The following SLC24A3 variants were observed in gnomAD, a reference collection of about 807,000 sequenced individuals.
The protein encoded by SLC24A3 is sodium/potassium/calcium exchanger 3.
A neutral mutation model predicts 75.8 loss-of-function variants in SLC24A3; 28 were observed. The observed-to-expected ratio is 0.37, with a 90% CI of 0.27 to 0.51. The LOEUF (loss-of-function observed/expected upper bound fraction) is 0.51. SLC24A3 is among the 20% of genes least tolerant of loss of function. SLC24A3 has a pLI of 0.94. For synonymous variants in SLC24A3, 372 were observed against 334.1 expected, an observed-to-expected ratio of 1.11 and a Z score of -1.24; for missense variants, 663 against 847.8, an observed-to-expected ratio of 0.78 and a Z score of 2.71.
chr20:19,464,981 C>G (rs1443903306), intron 2 of SLC24A3, among the ~76,000 whole-genome samples: 1 of 152,228 alleles, frequency 6.6e-6, no homozygotes, highest in East Asian at 1.9e-4. Flanking sequence ...CCTGTACCAT[C>G]CAGTATGATA....
At chr20:19,226,291 C>T (rs1981867873) in intron 1 of SLC24A3, among the ~76,000 whole-genome samples, 1 of 152,108 alleles carries the variant, frequency 6.6e-6, no homozygotes, top group African/African-American at 2.4e-5. Context: ...GTGTGTTTTT[C>T]ATTTTGTATT....
intron 1 of SLC24A3, among the ~76,000 whole-genome samples, chr20:19,261,153 A>G (rs59731114): frequency 0.028 from 4,246 of 152,174 alleles, 230 homozygotes; most frequent in African/African-American, 0.097. Context: ...CCTTGGAAAG[A>G]TGGGAATTTA....
At chr20:19,321,924 G>A (rs1428690664) in intron 2 of SLC24A3, among the ~76,000 whole-genome samples, 1 of 152,070 alleles carries the variant, frequency 6.6e-6, no homozygotes, top group African/African-American at 2.4e-5. Flanking sequence ...CTGACATTTG[G>A]ATGCATCCAG....
chr20:19,685,319 G>A lies in SLC24A3; in HGVS notation c.1282G>A (p.Glu428Lys), dbSNP rs2032663673. 13 of 1,614,100 alleles carry A rather than the reference G, an allele frequency of 8.1e-6. No individual in the cohort carries two copies. The highest frequency in any genetic ancestry group is 6.6e-5 in the South Asian group (6 of 91,086). The change falls in exon 12 of 17, where the codon GAG becomes AAG. Residue 428 changes from glutamate (E) to lysine (K), a missense_variant. By Grantham distance (56) the Glu-to-Lys change is moderately conservative. This residue lies in a region of SLC24A3 where 510 missense variants were observed against 703.6 expected (regional missense o/e 0.72). Transcript: ENST00000328041. ...GAATGATGAGGAGGAAGAGGAGGAC[G>A]AGGATGATGATGAAGGACCGTACAC... The part of the protein sequence containing the change: ...NENDEEEEED[E>K]DDDEGPYTPF...
At chr20:19,516,704 A>G (rs1034441233) in intron 3 of SLC24A3, among the ~76,000 whole-genome samples, 2 of 152,224 alleles carry the variant, frequency 1.3e-5, no homozygotes, top group Admixed American at 6.5e-5. Flanking sequence ...TCAGACTTCC[A>G]CGTGGCAGCC....
intron 3 of SLC24A3, among the ~76,000 whole-genome samples, chr20:19,558,756 A>G (rs528287375): frequency 6.6e-6 from 1 of 152,304 alleles, no homozygotes; most frequent in East Asian, 1.9e-4. Context: ...TTACTGATAT[A>G]TAATGCTTTT....
intron 3 of SLC24A3, among the ~76,000 whole-genome samples, chr20:19,568,673 G>T (rs2031000757): frequency 6.6e-6 from 1 of 152,202 alleles, no homozygotes. Flanking sequence ...AAGCTCTGAA[G>T]ATGGATGGCG....
At chr20:19,251,842 C>T (rs1187867335) in intron 1 of SLC24A3, among the ~76,000 whole-genome samples, 1 of 152,158 alleles carries the variant, frequency 6.6e-6, no homozygotes, top group African/African-American at 2.4e-5. Flanking sequence ...CAGCCGGGGT[C>T]CCCAAGGGGG....
At chr20:19,543,341 A>G (rs1385767164) in intron 3 of SLC24A3, among the ~76,000 whole-genome samples, 3 of 152,174 alleles carry the variant, frequency 2.0e-5, no homozygotes, top group African/African-American at 7.2e-5. Flanking sequence ...TTTTGCAGAG[A>G]AAGTGAGCTT....
At chr20:19,667,391 G>A (rs890313896) in intron 8 of SLC24A3, among the ~76,000 whole-genome samples, 1 of 152,170 alleles carries the variant, frequency 6.6e-6, no homozygotes, top group African/African-American at 2.4e-5. Context: ...CAAATGGAGT[G>A]AGGGGCATTT....
intron 3 of SLC24A3, among the ~76,000 whole-genome samples, chr20:19,562,861 C>T (rs1488895143): frequency 2.0e-5 from 3 of 152,132 alleles, no homozygotes; most frequent in Non-Finnish European, 4.4e-5. Context: ...ACTCCAGGAA[C>T]ACATCCTATG....
At chr20:19,473,684 C>T (rs1987912615) in intron 2 of SLC24A3, among the ~76,000 whole-genome samples, 1 of 152,250 alleles carries the variant, frequency 6.6e-6, no homozygotes, top group South Asian at 2.1e-4. Flanking sequence ...CTTGTGTGGT[C>T]TGTGTAGTTC....
chr20:19,232,060 T>C (rs1349416622), intron 1 of SLC24A3, among the ~76,000 whole-genome samples: 2 of 152,222 alleles, frequency 1.3e-5, no homozygotes, highest in Non-Finnish European at 2.9e-5. Context: ...GGTGACATTG[T>C]ACCAACTAAA....
intron 2 of SLC24A3, among the ~76,000 whole-genome samples, chr20:19,313,913 A>T (rs944494763): frequency 2.6e-5 from 4 of 152,226 alleles, no homozygotes; most frequent in African/African-American, 9.6e-5. Context: ...TGAGGAGATG[A>T]TACATCTTAA....
intron 2 of SLC24A3, among the ~76,000 whole-genome samples, chr20:19,352,379 G>A (rs1985589416): frequency 1.3e-5 from 2 of 152,054 alleles, no homozygotes; most frequent in African/African-American, 4.8e-5. Context: ...GAGAGACCTG[G>A]GCCAGCACCA....
Position 19,619,139 on chromosome 20 carries a change from G to A in SLC24A3, c.612+33595G>A, listed in dbSNP as rs62200289. On this transcript the variant is annotated intron_variant, in intron 6 of 16. Coordinates refer to ENST00000328041, the MANE Select transcript of SLC24A3 (RefSeq NM_020689.4). ...ATCTAATTACCCTTCTCTTGATAAG[G>A]AGCCAGCTCAGCAATTCCCTTACAG... Among the ~76,000 whole-genome samples, 343 of 152,268 alleles carry A rather than the reference G, an allele frequency of 2.3e-3. 1 individual carries two copies. The highest frequency in any genetic ancestry group is 2.6e-3 in the Admixed American group (40 of 15,292).
At chr20:19,235,669 A>G (rs947517550) in intron 1 of SLC24A3, among the ~76,000 whole-genome samples, 10 of 152,148 alleles carry the variant, frequency 6.6e-5, no homozygotes. Flanking sequence ...CTGGCCCTCT[A>G]GACCCCAACC....
At chr20:19,424,032 C>T (rs1423751266) in intron 2 of SLC24A3, among the ~76,000 whole-genome samples, 1 of 152,064 alleles carries the variant, frequency 6.6e-6, no homozygotes, top group East Asian at 1.9e-4. Flanking sequence ...GTGGGAGGAA[C>T]CACATGAGCC....
At chr20:19,370,197 C>A (rs147010768) in intron 2 of SLC24A3, among the ~76,000 whole-genome samples, 1 of 152,188 alleles carries the variant, frequency 6.6e-6, no homozygotes, top group African/African-American at 2.4e-5. Context: ...CTTTGAAATT[C>A]CAGAGTATCC....
Sources: allele counts gnomAD v4.1 joint callset (sites outside exome capture counted in the v4.1 genomes callset), GRCh38; gene constraint gnomAD v4.1.1; regional missense constraint gnomAD v4.1.1; transcripts MANE v1.5; gene names NCBI Gene and HGNC (gene_info 2026-07-23, HGNC 2026-07-21).